Variants in ZNF544 observed in about 807,000 individuals in gnomAD.
ZNF544 encodes zinc finger protein AF020591.
In ZNF544, 10 loss-of-function variants were observed where a neutral mutation model predicts 13.5. The observed-to-expected ratio is 0.74, with a 90% confidence interval of 0.46 to 1.25. ZNF544 has a LOEUF of 1.25. ZNF544 is among the 50% of genes most tolerant of loss of function. The probability of loss-of-function intolerance (pLI) is 0.00; values close to 1 mark genes in which losing one functional copy is unlikely to be tolerated. For missense variants in ZNF544, 896 were observed against 845.6 expected, an observed-to-expected ratio of 1.06 and a Z score of -0.74; for synonymous variants, 323 against 300.5, an observed-to-expected ratio of 1.07 and a Z score of -0.77.
Position 58,262,823 on chromosome 19 carries a change from C to T in ZNF544, c.*69C>T, listed in dbSNP as rs1042617298. The T allele has an allele frequency of 5.3e-5, 81 of 1,528,020 alleles. No homozygotes were observed. The highest frequency in any genetic ancestry group is 2.3e-4 in the Admixed American group (11 of 47,142). The allele number at this position is 1,528,020 out of a possible 1,614,324, so 94.7% of individuals were successfully genotyped here. ...TCATCATGCACCAGAGGACGCATGT[C>T]GGTGGGAAGAGCTATCAGTGTGACG... On this transcript the variant is annotated 3_prime_UTR_variant, in exon 7 of 7. Coordinates refer to ENST00000687789, the MANE Select transcript of ZNF544 (RefSeq NM_014480.4).
Position 58,262,443 on chromosome 19 carries a change from T to G in ZNF544, c.1837T>G (p.Phe613Val), listed in dbSNP as rs1281224726. ...PYECNECGKA[F>V]NRSTQLIRHL... ...TGAATGTAACGAGTGTGGAAAAGCC[T>G]TCAATCGAAGCACTCAGCTCATCAG... The change falls in exon 7 of 7, where the codon TTC becomes GTC. Residue 613 changes from phenylalanine (F) to valine (V), a missense_variant. Physicochemically the swap from Phe to Val is conservative, Grantham distance 50. Transcript: ENST00000687789. 1 of 1,614,216 alleles carries G rather than the reference T, an allele frequency of 6.2e-7. No individual in the cohort carries two copies. Among genetic ancestry groups the G allele is most frequent in the Admixed American group, 1.7e-5 (1 of 60,014 alleles).
chr19:58,266,139 G>A (rs537328586), downstream of ZNF544, among the ~76,000 whole-genome samples: 187 of 149,710 alleles, frequency 1.2e-3, 1 homozygote, highest in African/African-American at 4.4e-3. Context: ...CCAGAAGGTG[G>A]AGGTTGCAGT....
At chr19:58,240,047 T>C (rs1210724264) in intron 3 of ZNF544, among the ~76,000 whole-genome samples, 1 of 152,164 alleles carries the variant, frequency 6.6e-6, no homozygotes, top group Non-Finnish European at 1.5e-5. Flanking sequence ...ACCAGGAAGC[T>C]CACCCAAGCC....
At chr19:58,251,171 C>A in intron 6 of ZNF544, 4 of 338,766 alleles carry the variant, frequency 1.2e-5, no homozygotes, top group East Asian at 7.7e-5. Context: ...GAAGTTATTC[C>A]ATTTGTTTAG....
chr19:58,260,774 G>C, intron 6 of ZNF544, 77 bp from the exon 7 acceptor site: 1 of 1,316,212 alleles, frequency 7.6e-7, no homozygotes, highest in Non-Finnish European at 1.0e-6. Flanking sequence ...CCATTAAACA[G>C]TTGTCTCCTT....
Position 58,261,501 on chromosome 19 carries a change from G to A in ZNF544, c.895G>A (p.Glu299Lys), listed in dbSNP as rs887104714. 3 of 1,614,074 alleles carry A rather than the reference G, an allele frequency of 1.9e-6. No individual in the cohort carries two copies. In the African/African-American group the frequency reaches 4.0e-5, roughly 22 times the overall value. The change falls in exon 7 of 7, where the codon GAG becomes AAG. Residue 299 changes from glutamate to lysine, a missense_variant. By Grantham distance (56) the Glu-to-Lys change is moderately conservative. Transcript: ENST00000687789. The part of the protein sequence containing the change: ...KPVHFGKSQY[E>K]CDECRETCSE... ...AGTGCATTTTGGGAAAAGTCAGTAT[G>A]AGTGTGATGAGTGCAGGGAAACCTG...
chr19:58,260,934 T>C lies in ZNF544; in HGVS notation c.328T>C (p.Tyr110His). 3 of 1,614,140 alleles carry C rather than the reference T, an allele frequency of 1.9e-6. No homozygotes were observed. The highest frequency in any genetic ancestry group is 2.5e-6 in the Non-Finnish European group (3 of 1,180,020). Residue 110 changes from tyrosine (Y) to histidine (H), a missense_variant, in exon 7 of 7, where the codon TAC becomes CAC. Physicochemically the swap from Tyr to His is moderately conservative, Grantham distance 83. Transcript: ENST00000687789. ...AGAACTATCCCACCACGTGGAAGTG[T>C]ACAGGAGTGGACCGGAGGAGCCACC... ...REELSHHVEV[Y>H]RSGPEEPPSL...
In ZNF544 at chr19:58,263,147, T is replaced by C; in HGVS notation, c.*393T>C. The C allele has an allele frequency of 3.0e-6, 3 of 1,006,314 alleles. No individual in the cohort carries two copies. The highest frequency in any genetic ancestry group is 3.6e-6 in the Non-Finnish European group (3 of 841,566). 62.3% of individuals were successfully genotyped at this position (1,006,314 alleles called of 1,614,324 possible). ...TCCTTATTCAACATGAGAAAGCTCA[T>C]GGGCAAGAAACTCTATGAATAACCA... On this transcript the variant is annotated 3_prime_UTR_variant, in exon 7 of 7. Coordinates refer to ENST00000687789, the MANE Select transcript of ZNF544 (RefSeq NM_014480.4).
chr19:58,234,358 T>G lies in ZNF544; in HGVS notation c.-60+3896T>G, dbSNP rs2146521918. Among the ~76,000 whole-genome samples, 3 of 152,354 alleles carry G rather than the reference T, an allele frequency of 2.0e-5. No individual in the cohort carries two copies. In the South Asian group the frequency reaches 6.2e-4, roughly 32 times the overall value. ...TCTTGTGGGCCTAGAACTGTTGTCT[T>G]TCCTTGATCCCATGCTGACTGCACT... On this transcript the variant is annotated intron_variant, in intron 3 of 6. Transcript: ENST00000687789.
intron 1 of ZNF544, chr19:58,229,182 G>A (rs1450813376): frequency 2.0e-5 from 3 of 152,342 alleles, no homozygotes; most frequent in Admixed American, 2.0e-4. Context: ...CCCTGCAGGA[G>A]CGCCCGGCTG....
At chr19:58,260,609 T>C in intron 6 of ZNF544, 1 of 411,916 alleles carries the variant, frequency 2.4e-6, no homozygotes, top group South Asian at 3.8e-5. Flanking sequence ...TCTTCTGCCC[T>C]CTATTTGGGG....
At chr19:58,268,889 T>G (rs906621817), downstream of ZNF544, among the ~76,000 whole-genome samples, 3 of 152,208 alleles carry the variant, frequency 2.0e-5, no homozygotes, top group Admixed American at 1.3e-4. Context: ...AACAAAGACT[T>G]ACTAGCACAA....
intron 3 of ZNF544, among the ~76,000 whole-genome samples, chr19:58,232,819 A>C (rs1459666709): frequency 4.7e-5 from 7 of 150,056 alleles, no homozygotes; most frequent in Non-Finnish European, 1.0e-4. Flanking sequence ...TGATGGCGGG[A>C]GCCTGTAGTC....
intron 5 of ZNF544, among the ~76,000 whole-genome samples, chr19:58,270,954 G>A (rs1432789334): frequency 1.3e-5 from 2 of 152,156 alleles, no homozygotes; most frequent in Admixed American, 1.3e-4. Flanking sequence ...GCTTATGCCT[G>A]TAATCCCAGC....
At chr19:58,234,292 T>C (rs1268067077) in intron 3 of ZNF544, among the ~76,000 whole-genome samples, 1 of 152,266 alleles carries the variant, frequency 6.6e-6, no homozygotes, top group Non-Finnish European at 1.5e-5. Flanking sequence ...CTGCCTCAGC[T>C]TCTGCCTGTG....
chr19:58,243,936 G>A, intron 3 of ZNF544, 29 bp from the exon 4 acceptor site: 1 of 1,517,908 alleles, frequency 6.6e-7, no homozygotes. Context: ...GAGCCGAGGG[G>A]CTGAATCTCT....
intron 3 of ZNF544, among the ~76,000 whole-genome samples, chr19:58,237,527 C>T (rs1044717731): frequency 2.0e-5 from 3 of 152,292 alleles, no homozygotes; most frequent in South Asian, 2.1e-4. Flanking sequence ...GCCTGGAGGG[C>T]GGCTCACCTC....
In ZNF544 at chr19:58,261,538, T is replaced by G; in HGVS notation, c.932T>G (p.Leu311Arg). ...TGCAGGGAAACCTGTTCTGAGAGTC[T>G]GTGCCTTGTACAAACAGAAAGAAGT... ...DECRETCSES[L>R]CLVQTERSGP... is the part of the protein sequence containing the mutation. The change falls in exon 7 of 7, where the codon CTG (leucine) becomes CGG (arginine). Residue 311 changes from leucine (L) to arginine (R), a missense_variant. Coordinates refer to ENST00000687789, the MANE Select transcript of ZNF544 (RefSeq NM_014480.4). The G allele has an allele frequency of 6.2e-7, 1 of 1,614,198 alleles. No homozygotes were observed. The highest frequency in any genetic ancestry group is 8.5e-7 in the Non-Finnish European group (1 of 1,180,034).
At chr19:58,236,383 A>G (rs1323095952) in intron 3 of ZNF544, among the ~76,000 whole-genome samples, 1 of 150,946 alleles carries the variant, frequency 6.6e-6, no homozygotes, top group African/African-American at 2.4e-5. Flanking sequence ...CTGTAATCCC[A>G]GCTACTCGGA....
Sources: gnomAD v4.1 joint callset for allele counts (sites outside exome capture counted in the v4.1 genomes callset) on GRCh38, gnomAD v4.1.1 for gene constraint, MANE v1.5 for transcripts, NCBI Gene and HGNC (gene_info 2026-07-23, HGNC 2026-07-21) for gene names.